The following ZNF703 variants were observed in gnomAD, a reference collection of about 807,000 sequenced individuals.
ZNF703 encodes NocA-like zinc finger 1.
A neutral mutation model predicts 30.7 loss-of-function variants in ZNF703; 18 were observed. The ratio of observed to expected loss-of-function variants is 0.59; its 90% CI spans 0.40 to 0.87. The LOEUF is 0.87. Ranked by LOEUF, ZNF703 falls within the 40% of genes least tolerant of loss-of-function variation. ZNF703 has a pLI of 0.00. For missense variants in ZNF703, 814 were observed against 847.8 expected (o/e 0.96, Z 0.50); for synonymous variants, 457 against 438.6 (o/e 1.04, Z -0.52).
In ZNF703 at chr8:37,697,616, G is replaced by A; in HGVS notation, c.715G>A (p.Gly239Ser). The A allele has an allele frequency of 7.0e-7, 1 of 1,419,056 alleles. No individual in the cohort carries two copies. 87.9% of individuals were successfully genotyped at this position (1,419,056 alleles called of 1,614,324 possible). The change falls in exon 2 of 2, where the codon GGC becomes AGC. Residue 239 changes from glycine (G) to serine (S), a missense_variant. Gly to Ser is a moderately conservative substitution (Grantham distance 56, BLOSUM62 0). Coordinates refer to ENST00000331569, the MANE Select transcript of ZNF703 (RefSeq NM_025069.3). ...CTGCAAGAACGGCGGCGGGGTTGGC[G>A]GCGGGGAGCTGGACAAGAAAGACCA... ...SDCKNGGGVG[G>S]GELDKKDQEP...
rs1341169663 is a variant in ZNF703 at position 37,697,799 on chromosome 8, A to G, written c.898A>G (p.Lys300Glu). 6.5e-7 allele frequency: 1 copy of G among 1,528,612 alleles called. No individual in the cohort carries two copies. Among genetic ancestry groups the G allele is most frequent in the South Asian group, 1.2e-5 (1 of 83,116 alleles). The allele number at this position is 1,528,612 out of a possible 1,614,324, so 94.7% of individuals were successfully genotyped here. A position where few individuals can be genotyped will look rare whatever the true frequency, so the allele number is the denominator to read the frequency against. The change falls in exon 2 of 2, where the codon AAG becomes GAG. Residue 300 changes from lysine to glutamate, a missense_variant. Physicochemically the swap from Lys to Glu is moderately conservative, Grantham distance 56 (BLOSUM62 1). Transcript: ENST00000331569. Reference protein sequence around the residue: ...AGHVAPVSPYKPGHSVFPLPP... With the variant: ...AGHVAPVSPYEPGHSVFPLPP... The stretch of plus-strand genomic sequence containing the variant: ...CCACGTGGCGCCGGTGTCTCCCTAC[A>G]AGCCGGGCCACTCGGTGTTCCCGCT...
In ZNF703 at chr8:37,696,420, C is replaced by G. The variant is rs1802069752; in HGVS notation, c.243+198C>G. Among the ~76,000 whole-genome samples, 1 of 152,108 alleles carries G rather than the reference C, an allele frequency of 6.6e-6. No homozygotes were observed. ...CCCAGGCTTCCCCGTGGAAGGGTCTCCTTCCACGCTCGCCCTTCGGAGCTC... is the reference window on the plus strand; with the variant it reads ...CCCAGGCTTCCCCGTGGAAGGGTCTGCTTCCACGCTCGCCCTTCGGAGCTC... On this transcript the variant is annotated intron_variant, in intron 1 of 1. Transcript: ENST00000331569. The surrounding 1 kb of genome is among the most constrained non-coding windows in gnomAD (Gnocchi z 8.2).
chr8:37,697,757 G>A lies in ZNF703; in HGVS notation c.856G>A (p.Ala286Thr). ...ASGRKSEPPS[A>T]LVGAGHVAPV... Reference sequence around the variant, plus strand: ...CGGGCGCAAGTCCGAGCCGCCCTCGGCGCTGGTGGGGGCCGGCCACGTGGC... The same window carrying A: ...CGGGCGCAAGTCCGAGCCGCCCTCGACGCTGGTGGGGGCCGGCCACGTGGC... The change falls in exon 2 of 2, where the codon GCG becomes ACG. Residue 286 changes from alanine (A) to threonine (T), a missense_variant. Coordinates refer to ENST00000331569, the MANE Select transcript of ZNF703 (RefSeq NM_025069.3). 1 of 1,471,600 alleles carries A rather than the reference G, an allele frequency of 6.8e-7. No individual in the cohort carries two copies. Among genetic ancestry groups the A allele is most frequent in the Non-Finnish European group, 9.0e-7 (1 of 1,115,998 alleles). 91.2% of individuals were successfully genotyped at this position (1,471,600 alleles called of 1,614,324 possible). A position where few individuals can be genotyped will look rare whatever the true frequency, so the allele number is the denominator to read the frequency against.
chr8:37,698,775 C>G lies in ZNF703; in HGVS notation c.*101C>G. On this transcript the variant is annotated 3_prime_UTR_variant, in exon 2 of 2. Transcript: ENST00000331569. ...GCTGCAACCTCCACTACTGCTTGAC[C>G]CTGCCGGGATTCCCCACCCAGCCCT... The G allele has an allele frequency of 9.3e-7, 1 of 1,076,016 alleles. No individual in the cohort carries two copies. The allele number at this position is 1,076,016 out of a possible 1,614,324, so 66.7% of individuals were successfully genotyped here.
chr8:37,697,963 G>C lies in ZNF703; in HGVS notation c.1062G>C (p.Pro354=), dbSNP rs759626285. The change falls in exon 2 of 2, where the codon CCG becomes CCC. Residue 354 remains proline (P), a synonymous_variant. Coordinates refer to ENST00000331569, the MANE Select transcript of ZNF703 (RefSeq NM_025069.3). ...TGTCTGGGGGCCTGGGCCTGCCGCC[G>C]GGCAAGCCCCCCAGCTCCAGCCCGC... is the stretch of plus-strand genomic sequence containing the variant. ...GQLSGGLGLP[P]GKPPSSSPLT... The C allele has an allele frequency of 1.1e-5, 17 of 1,556,084 alleles. 1 individual carries two copies. The highest frequency in any genetic ancestry group is 1.4e-5 in the Non-Finnish European group (16 of 1,157,848).
chr8:37,697,401 G>T lies in ZNF703; in HGVS notation c.500G>T (p.Arg167Leu). The T allele has an allele frequency of 1.3e-6, 2 of 1,551,548 alleles. No homozygotes were observed. Among genetic ancestry groups the T allele is most frequent in the South Asian group, 1.2e-5 (1 of 83,794 alleles). ...YSKGSGGGDS[R>L]KDSGSSSVSS... ...AAGGGCTCCGGCGGCGGCGACTCCC[G>T]CAAAGACAGCGGCTCCTCCTCGGTG... Residue 167 changes from arginine (R) to leucine (L), a missense_variant, in exon 2 of 2, where the codon CGC becomes CTC. Arg to Leu is a moderately radical substitution (Grantham distance 102). Coordinates refer to ENST00000331569, the MANE Select transcript of ZNF703 (RefSeq NM_025069.3).
chr8:37,697,107 T>C (rs1448918881), intron 1 of ZNF703, 38 bp from the exon 2 acceptor site: 8 of 1,477,088 alleles, frequency 5.4e-6, no homozygotes, highest in African/African-American at 3.0e-5. Flanking sequence ...CCTCTGAGTC[T>C]CACTCCTTCT....
Position 37,698,467 on chromosome 8 carries a change from G to A in ZNF703, c.1566G>A (p.Pro522=). 2 of 1,457,478 alleles carry A rather than the reference G, an allele frequency of 1.4e-6. No homozygotes were observed. The highest frequency in any genetic ancestry group is 2.4e-5 in the Admixed American group (1 of 41,318). The allele number at this position is 1,457,478 out of a possible 1,614,324, so 90.3% of individuals were successfully genotyped here. The stretch of plus-strand genomic sequence containing the variant: ...CCTCCTGCCATCTGCACCTCCCCCC[G>A]CCCGCCGCCCCCGGCAGCCCCGGGT... ...AAASCHLHLP[P]PAAPGSPGSL... is the part of the protein sequence containing the mutation. The change falls in exon 2 of 2, where the codon CCG becomes CCA. Residue 522 remains proline (P), a synonymous_variant. Coordinates refer to ENST00000331569, the MANE Select transcript of ZNF703 (RefSeq NM_025069.3).
Position 37,697,249 on chromosome 8 carries a change from G to C in ZNF703, c.348G>C (p.Ala116=). 6.3e-7 allele frequency: 1 copy of C among 1,588,974 alleles called. No individual in the cohort carries two copies. The highest frequency in any genetic ancestry group is 2.3e-5 in the East Asian group (1 of 43,014). The change falls in exon 2 of 2, where the codon GCG becomes GCC. Residue 116 remains alanine, a synonymous_variant. Transcript: ENST00000331569. ...CCAAACTCAACTCGGTGGCGGCGGC[G>C]GCCAACGGGCTGGGAGCGGAGAAGG... ...PSSKLNSVAA[A]ANGLGAEKDP...
Position 37,698,582 on chromosome 8 carries a change from G to A in ZNF703, c.1681G>A (p.Val561Met). ...CTTATCCACAGCGGGGGGCCTGGCC[G>A]TGCCGTCCCTCCCCACAGCCGGACC... Reference protein sequence around the residue: ...SHLSTAGGLAVPSLPTAGPYY... With the variant: ...SHLSTAGGLAMPSLPTAGPYY... Residue 561 changes from valine (V) to methionine (M), a missense_variant, in exon 2 of 2, where the codon GTG (valine) becomes ATG (methionine). Coordinates refer to ENST00000331569, the MANE Select transcript of ZNF703 (RefSeq NM_025069.3). The A allele has an allele frequency of 6.4e-7, 1 of 1,565,788 alleles. No individual in the cohort carries two copies. The highest frequency in any genetic ancestry group is 8.6e-7 in the Non-Finnish European group (1 of 1,158,878).
rs867916816 is a variant in ZNF703, at chr8:37,697,378, G to C, written c.477G>C (p.Lys159Asn). The change falls in exon 2 of 2, where the codon AAG (lysine) becomes AAC (asparagine). Residue 159 changes from lysine (K) to asparagine (N), a missense_variant. By Grantham distance (94) the Lys-to-Asn change is moderately conservative. Transcript: ENST00000331569. The part of the protein sequence containing the change: ...EDKSSFKPYS[K>N]GSGGGDSRKD... The stretch of plus-strand genomic sequence containing the variant: ...AGTCCAGCTTCAAGCCCTACTCCAA[G>C]GGCTCCGGCGGCGGCGACTCCCGCA... The C allele has an allele frequency of 6.4e-7, 1 of 1,555,516 alleles. No individual in the cohort carries two copies. Among genetic ancestry groups the C allele is most frequent in the Non-Finnish European group, 8.7e-7 (1 of 1,151,238 alleles).
chr8:37,697,604 G>A lies in ZNF703; in HGVS notation c.703G>A (p.Gly235Ser). Residue 235 changes from glycine to serine, a missense_variant, in exon 2 of 2, where the codon GGC becomes AGC. By Grantham distance (56) the Gly-to-Ser change is moderately conservative. Transcript: ENST00000331569. ...SPHHSDCKNG[G>S]GVGGGELDKK... Reference sequence around the variant, plus strand: ...GCACCACTCTGACTGCAAGAACGGCGGCGGGGTTGGCGGCGGGGAGCTGGA... The same window carrying A: ...GCACCACTCTGACTGCAAGAACGGCAGCGGGGTTGGCGGCGGGGAGCTGGA... The A allele has an allele frequency of 7.0e-7, 1 of 1,419,386 alleles. No individual in the cohort carries two copies. Among genetic ancestry groups the A allele is most frequent in the Non-Finnish European group, 9.1e-7 (1 of 1,093,446 alleles). 87.9% of individuals were successfully genotyped at this position (1,419,386 alleles called of 1,614,324 possible). A position where few individuals can be genotyped will look rare whatever the true frequency, so the allele number is the denominator to read the frequency against.
rs1802056465 is a variant in ZNF703 at position 37,695,818 on chromosome 8, C to T, written c.-162C>T. 1.4e-5 allele frequency: 8 copies of T among 562,476 alleles called. No individual in the cohort carries two copies. Among genetic ancestry groups the T allele is most frequent in the African/African-American group, 2.0e-5 (1 of 50,188 alleles). 34.8% of individuals were successfully genotyped at this position (562,476 alleles called of 1,614,324 possible). A position where few individuals can be genotyped will look rare whatever the true frequency, so the allele number is the denominator to read the frequency against. On this transcript the variant is annotated 5_prime_UTR_variant, in exon 1 of 2. Transcript: ENST00000331569. ...TGCTAGCCGGGGCCAGCGGCGGTGG[C>T]GGCGGCGGCGGAGGCGTCGGTGGAG...
chr8:37,698,011 C>T lies in ZNF703; in HGVS notation c.1110C>T (p.Ser370=). The T allele has an allele frequency of 6.4e-7, 1 of 1,557,452 alleles. No individual in the cohort carries two copies. Among genetic ancestry groups the T allele is most frequent in the Admixed American group, 1.8e-5 (1 of 56,398 alleles). The change falls in exon 2 of 2, where the codon TCC becomes TCT. Residue 370 remains serine, a synonymous_variant. Transcript: ENST00000331569. ...CGCTCACCGGGGCCTCCCCGCCCTC[C>T]TTCCTGCAGGGATTATGCCGCGACC... ...SSPLTGASPP[S]FLQGLCRDPY... is the part of the protein sequence containing the mutation.
At position 37,699,072 on chromosome 8, in the gene ZNF703, T is replaced by C. The variant is rs1802125317; in HGVS notation, c.*398T>C. ...GAGAGTTGGGGTCTTTGGGTTCTTC[T>C]AGACGTTTTGTTTTCCCTTCCTGGG... On this transcript the variant is annotated 3_prime_UTR_variant, in exon 2 of 2. Coordinates refer to ENST00000331569, the MANE Select transcript of ZNF703 (RefSeq NM_025069.3). The C allele has an allele frequency of 1.2e-5, 2 of 164,788 alleles. No individual in the cohort carries two copies. The highest frequency in any genetic ancestry group is 4.8e-5 in the African/African-American group (2 of 42,026). 10.2% of individuals were successfully genotyped at this position (164,788 alleles called of 1,614,324 possible).
In ZNF703 at chr8:37,698,610, A is replaced by G; in HGVS notation, c.1709A>G (p.Tyr570Cys). 1.9e-6 allele frequency: 3 copies of G among 1,549,312 alleles called. No homozygotes were observed. Among genetic ancestry groups the G allele is most frequent in the Non-Finnish European group, 1.7e-6 (2 of 1,151,272 alleles). ...AVPSLPTAGP[Y>C]YSPYALYGQR... is the part of the protein sequence containing the mutation. ...CCGTCCCTCCCCACAGCCGGACCCT[A>G]CTATTCGCCATACGCGCTGTATGGA... is the stretch of plus-strand genomic sequence containing the variant. Residue 570 changes from tyrosine to cysteine, a missense_variant, in exon 2 of 2, where the codon TAC (tyrosine) becomes TGC (cysteine). Physicochemically the swap from Tyr to Cys is radical, Grantham distance 194 (BLOSUM62 -2). Coordinates refer to ENST00000331569, the MANE Select transcript of ZNF703 (RefSeq NM_025069.3).
chr8:37,697,045 G>A lies in ZNF703; in HGVS notation c.244-100G>A. On this transcript the variant is annotated intron_variant, in intron 1 of 1. Coordinates refer to ENST00000331569, the MANE Select transcript of ZNF703 (RefSeq NM_025069.3). ...CAGACCCTCTCCCCAGGCCCGCCCC[G>A]CCCCGTGGCGCCGCCGCCCAGCTCC... 4 of 1,326,492 alleles carry A rather than the reference G, an allele frequency of 3.0e-6. 1 individual carries two copies. The highest frequency in any genetic ancestry group is 3.7e-5 in the South Asian group (2 of 53,962). 82.2% of individuals were successfully genotyped at this position (1,326,492 alleles called of 1,614,324 possible). A position where few individuals can be genotyped will look rare whatever the true frequency, so the allele number is the denominator to read the frequency against.
Position 37,695,903 on chromosome 8 carries a change from G to GGC in ZNF703, c.-77_-76insGC. On this transcript the variant is annotated 5_prime_UTR_variant, in exon 1 of 2. Transcript: ENST00000331569. ...CACCGCGATCGACGCTGCGGAGCGA[G>GGC]CCCACCCGCCCCGGGAGCTCGCCTC... 8 of 1,299,680 alleles carry GGC rather than the reference G, an allele frequency of 6.2e-6. No homozygotes were observed. The highest frequency in any genetic ancestry group is 7.1e-6 in the Non-Finnish European group (7 of 988,556). The allele number at this position is 1,299,680 out of a possible 1,614,324, so 80.5% of individuals were successfully genotyped here.
Position 37,697,256 on chromosome 8 carries a change from G to C in ZNF703, c.355G>C (p.Gly119Arg), listed in dbSNP as rs934281670. 17 of 1,583,502 alleles carry C rather than the reference G, an allele frequency of 1.1e-5. No homozygotes were observed. Among genetic ancestry groups the C allele is most frequent in the African/African-American group, 8.3e-5 (6 of 72,564 alleles). The change falls in exon 2 of 2, where the codon GGG (glycine) becomes CGG (arginine). Residue 119 changes from glycine (G) to arginine (R), a missense_variant. Coordinates refer to ENST00000331569, the MANE Select transcript of ZNF703 (RefSeq NM_025069.3). The part of the protein sequence containing the change: ...KLNSVAAAAN[G>R]LGAEKDPGRS... ...CAACTCGGTGGCGGCGGCGGCCAAC[G>C]GGCTGGGAGCGGAGAAGGACCCCGG...
Sources: allele counts gnomAD v4.1 joint callset (sites outside exome capture counted in the v4.1 genomes callset), GRCh38; gene constraint gnomAD v4.1.1; non-coding constraint Gnocchi (gnomAD v3.1); transcripts MANE v1.5; gene names NCBI Gene and HGNC (gene_info 2026-07-23, HGNC 2026-07-21).